Variants in ADAMTSL1 observed in about 807,000 individuals in gnomAD.
The protein encoded by ADAMTSL1 is ADAMTS like 1.
ADAMTSL1 carries 126 observed loss-of-function variants against 201.8 expected under a neutral mutation model. The observed-to-expected ratio is 0.62, with a 90% CI of 0.54 to 0.72. The LOEUF (loss-of-function observed/expected upper bound fraction) is 0.72, where lower values mean the gene tolerates loss of function less well. Ranked by LOEUF, ADAMTSL1 falls within the 30% of genes least tolerant of loss-of-function variation. The pLI, the probability that ADAMTSL1 is intolerant of heterozygous loss-of-function variation, is 0.00. For missense variants in ADAMTSL1, 2,679 were observed against 2,277.8 expected, an observed-to-expected ratio of 1.18 and a Z score of -3.59; for synonymous variants, 1,121 against 903.4, an observed-to-expected ratio of 1.24 and a Z score of -4.32.
chr9:18,372,588 C>G (rs1435223206), intron 2 of ADAMTSL1, among the ~76,000 whole-genome samples: 1 of 152,144 alleles, frequency 6.6e-6, no homozygotes, highest in East Asian at 1.9e-4. Context: ...ACTACACAAC[C>G]AAATTCCAAA....
intron 2 of ADAMTSL1, among the ~76,000 whole-genome samples, chr9:18,295,771 G>A (rs574940929): frequency 1.3e-5 from 2 of 152,078 alleles, no homozygotes; most frequent in Non-Finnish European, 2.9e-5. Context: ...AGCATGGATT[G>A]ACCTTAAAAA....
chr9:18,737,393 TAATATG>T (rs1465547394), intron 15 of ADAMTSL1, among the ~76,000 whole-genome samples: 5 of 141,970 alleles, frequency 3.5e-5, no homozygotes, highest in African/African-American at 1.3e-4. Context: ...CCATGCCAGA[TAATATG>T]GATGGATCAT....
Position 17,996,482 on chromosome 9 carries a change from G to C in ADAMTSL1, c.87+89560G>C, listed in dbSNP as rs181625005. Among the ~76,000 whole-genome samples the C allele has an allele frequency of 2.6e-3, 391 of 152,214 alleles. 1 individual carries two copies. The highest frequency in any genetic ancestry group is 8.9e-3 in the African/African-American group (370 of 41,570). On this transcript the variant is annotated intron_variant, in intron 1 of 29. Coordinates refer to the ADAMTSL1 transcript ENST00000680146. ...ACTTGCTCAGAATGACCAGGGAGGT[G>C]AAGATTGAACACAGGGATCATTGGG...
chr9:18,641,388 GT>G (rs1827426348), intron 7 of ADAMTSL1, among the ~76,000 whole-genome samples: 1 of 152,072 alleles, frequency 6.6e-6, no homozygotes, highest in African/African-American at 2.4e-5. Context: ...CACAACAATT[GT>G]TTAAATAGAG....
At chr9:18,028,499 G>A (rs1362972009) in intron 1 of ADAMTSL1, among the ~76,000 whole-genome samples, 1 of 152,040 alleles carries the variant, frequency 6.6e-6, no homozygotes, top group African/African-American at 2.4e-5. Flanking sequence ...ATAGCCTAAT[G>A]GGGTTCTCTT....
intron 2 of ADAMTSL1, among the ~76,000 whole-genome samples, chr9:18,236,431 T>C (rs1284985303): frequency 1.3e-5 from 2 of 152,220 alleles, no homozygotes; most frequent in African/African-American, 4.8e-5. Flanking sequence ...TGTATCTATA[T>C]ATTTCAGATT....
At chr9:18,223,741 C>A (rs1300446210) in intron 2 of ADAMTSL1, among the ~76,000 whole-genome samples, 1 of 151,964 alleles carries the variant, frequency 6.6e-6, no homozygotes, top group Non-Finnish European at 1.5e-5. Flanking sequence ...ATGTATCTAT[C>A]TTTAATTCTA....
intron 2 of ADAMTSL1, among the ~76,000 whole-genome samples, chr9:18,187,557 A>T (rs149872253): frequency 1.1e-4 from 16 of 152,278 alleles, no homozygotes; most frequent in African/African-American, 3.6e-4. Flanking sequence ...AAATATGTGT[A>T]TACATTTATA....
chr9:17,929,651 T>G (rs926617289), intron 1 of ADAMTSL1, among the ~76,000 whole-genome samples: 1 of 152,150 alleles, frequency 6.6e-6, no homozygotes, highest in Non-Finnish European at 1.5e-5. Context: ...CTTTGCACAA[T>G]TTGTTTTCTT....
intron 2 of ADAMTSL1, among the ~76,000 whole-genome samples, chr9:18,289,473 A>G (rs980819381): frequency 6.6e-5 from 10 of 152,200 alleles, no homozygotes; most frequent in African/African-American, 2.4e-4. Flanking sequence ...AGATAATGCA[A>G]TGATACAGAG....
At chr9:18,587,151 A>C (rs575978733) in intron 4 of ADAMTSL1, among the ~76,000 whole-genome samples, 1 of 152,336 alleles carries the variant, frequency 6.6e-6, no homozygotes, top group Admixed American at 6.5e-5. Flanking sequence ...CTATCAACAG[A>C]GTAAACAGAT....
At chr9:18,345,014 T>A (rs973250995) in intron 2 of ADAMTSL1, among the ~76,000 whole-genome samples, 7 of 152,086 alleles carry the variant, frequency 4.6e-5, no homozygotes, top group African/African-American at 1.4e-4. Flanking sequence ...CCGACAAACA[T>A]GAGAGTGGCC....
intron 3 of ADAMTSL1, among the ~76,000 whole-genome samples, chr9:18,556,304 A>G (rs1013551509): frequency 6.6e-6 from 1 of 152,014 alleles, no homozygotes; most frequent in Non-Finnish European, 1.5e-5. Flanking sequence ...AGGCAGGTAC[A>G]ATAATTGACT....
intron 5 of ADAMTSL1, among the ~76,000 whole-genome samples, chr9:18,624,463 A>G (rs540880104): frequency 6.6e-6 from 1 of 152,350 alleles, no homozygotes; most frequent in East Asian, 1.9e-4. Flanking sequence ...TCCTCTAATT[A>G]TTTCTGGCAT....
At chr9:18,485,427 C>T (rs966083878) in intron 1 of ADAMTSL1, among the ~76,000 whole-genome samples, 2 of 152,124 alleles carry the variant, frequency 1.3e-5, no homozygotes, top group Non-Finnish European at 2.9e-5. Context: ...TTCCTTGAAA[C>T]ACAAAGATAA....
intron 23 of ADAMTSL1, among the ~76,000 whole-genome samples, chr9:18,865,214 C>T (rs372529057): frequency 1.3e-4 from 20 of 152,166 alleles, no homozygotes; most frequent in Admixed American, 3.9e-4. Flanking sequence ...CAATAGGCCC[C>T]GGTGTGTGAT....
At chr9:18,721,784 C>A in intron 15 of ADAMTSL1, 119 bp downstream of exon 15, 1 of 1,424,810 alleles carries the variant, frequency 7.0e-7, no homozygotes, top group Non-Finnish European at 9.4e-7. Flanking sequence ...CAATTAGCAT[C>A]AGTTCAAACT....
chr9:18,425,099 T>C (rs1042796397), intron 2 of ADAMTSL1, among the ~76,000 whole-genome samples: 10 of 152,128 alleles, frequency 6.6e-5, no homozygotes, highest in African/African-American at 2.2e-4. Flanking sequence ...AACTGATTTA[T>C]CTGCTTTGCA....
intron 1 of ADAMTSL1, among the ~76,000 whole-genome samples, chr9:18,067,850 C>T (rs1822777633): frequency 6.6e-6 from 1 of 152,094 alleles, no homozygotes; most frequent in African/African-American, 2.4e-5. Context: ...GTTATTGAAG[C>T]ATAAGAGGGT....
Sources: gnomAD v4.1 joint callset for allele counts (sites outside exome capture counted in the v4.1 genomes callset) on GRCh38, gnomAD v4.1.1 for gene constraint, MANE v1.5 for transcripts, NCBI Gene and HGNC (gene_info 2026-07-23, HGNC 2026-07-21) for gene names.